Variants in PDE4D observed in about 807,000 individuals in gnomAD.
The protein encoded by PDE4D is 3',5'-cyclic-AMP phosphodiesterase 4D.
In PDE4D, 24 loss-of-function variants were observed where a neutral mutation model predicts 87.4. The ratio of observed to expected loss-of-function variants is 0.27; its 90% CI spans 0.20 to 0.39. The LOEUF (loss-of-function observed/expected upper bound fraction) is 0.39. Among genes scored for constraint, PDE4D ranks in the 10% least tolerant of loss-of-function variants. PDE4D has a pLI of 1.00. For missense variants in PDE4D, 714 were observed against 1,041.0 expected (o/e 0.69, Z 4.32); for synonymous variants, 384 against 383.2 (o/e 1.00, Z -0.02).
chr5:59,379,327 T>C (rs1224788517), intron 1 of PDE4D, among the ~76,000 whole-genome samples: 11 of 152,172 alleles, frequency 7.2e-5, no homozygotes, highest in Non-Finnish European at 1.2e-4. Flanking sequence ...AATGCAAAAA[T>C]AGTTTTCTGT....
At chr5:60,407,779 C>A (rs1168005202) in intron 1 of PDE4D, among the ~76,000 whole-genome samples, 2 of 151,952 alleles carry the variant, frequency 1.3e-5, no homozygotes, top group African/African-American at 4.8e-5. Flanking sequence ...ATGGCAAAAA[C>A]CGCAATTACT....
chr5:59,066,297 G>A lies in PDE4D; in HGVS notation c.809-27326C>T, dbSNP rs75104581. 3.4e-3 allele frequency among the ~76,000 whole-genome samples: 516 copies of A among 152,238 alleles called. 3 individuals carry two copies. The East Asian group carries it at 0.045, about 13-fold the overall frequency. ...AGAGAGAGGCACTCTTAGTCTTGGA[G>A]GGGCTTCCTACAGTGGGCAATTTTT... On this transcript the variant is annotated intron_variant, in intron 5 of 14. Transcript: ENST00000340635.
chr5:59,580,260 A>G (rs1327673301), intron 1 of PDE4D, among the ~76,000 whole-genome samples: 2 of 152,202 alleles, frequency 1.3e-5, no homozygotes, highest in African/African-American at 4.8e-5. Flanking sequence ...TCAGCAAGTT[A>G]TCTAATCTCT....
intron 1 of PDE4D, among the ~76,000 whole-genome samples, chr5:60,215,797 CAT>C (rs903793720): frequency 9.9e-5 from 15 of 152,084 alleles, no homozygotes; most frequent in African/African-American, 3.6e-4. Context: ...GATTTGTACA[CAT>C]GTTAAAGTTT....
At chr5:60,397,344 G>A (rs1762953292) in intron 1 of PDE4D, among the ~76,000 whole-genome samples, 2 of 152,180 alleles carry the variant, frequency 1.3e-5, no homozygotes, top group Non-Finnish European at 2.9e-5. Context: ...ACACTCCCAT[G>A]TTCATTGCAG....
chr5:60,409,378 C>A (rs534253626), intron 1 of PDE4D, among the ~76,000 whole-genome samples: 58 of 151,736 alleles, frequency 3.8e-4, no homozygotes, highest in East Asian at 1.7e-3. Flanking sequence ...GGGGAGGGGG[C>A]AGAGGGGGTG....
intron 5 of PDE4D, among the ~76,000 whole-genome samples, chr5:59,158,567 C>T (rs140057694): frequency 9.1e-4 from 139 of 152,310 alleles, no homozygotes; most frequent in African/African-American, 3.2e-3. Flanking sequence ...GTGGAATTCA[C>T]ACATTGCCTT....
At chr5:59,029,119 ATACT>A (rs1267207687) in intron 6 of PDE4D, among the ~76,000 whole-genome samples, 2 of 152,118 alleles carry the variant, frequency 1.3e-5, no homozygotes, top group African/African-American at 4.8e-5. Flanking sequence ...CATCAAAAAA[ATACT>A]TAGGAGCAGC....
chr5:60,494,859 T>C (rs986919316), intron 1 of PDE4D, among the ~76,000 whole-genome samples: 1 of 152,186 alleles, frequency 6.6e-6, no homozygotes, highest in African/African-American at 2.4e-5. Context: ...TTCTGGGCCC[T>C]AGGGAATCAC....
chr5:59,334,435 T>C (rs1777312515), intron 1 of PDE4D, among the ~76,000 whole-genome samples: 1 of 151,792 alleles, frequency 6.6e-6, no homozygotes, highest in Admixed American at 6.6e-5. Context: ...ATTTTTGTAT[T>C]TTTATAGAGA....
chr5:60,150,210 C>T (rs1781387046), intron 2 of PDE4D, among the ~76,000 whole-genome samples: 1 of 151,722 alleles, frequency 6.6e-6, no homozygotes, highest in African/African-American at 2.4e-5. Context: ...AACCATGAAT[C>T]TTACAGGGCT....
chr5:59,392,746 C>G (rs911235497), intron 1 of PDE4D, among the ~76,000 whole-genome samples: 1 of 152,060 alleles, frequency 6.6e-6, no homozygotes, highest in East Asian at 1.9e-4. Context: ...CCTGCCTTCT[C>G]CATTTGAATA....
intron 5 of PDE4D, among the ~76,000 whole-genome samples, chr5:59,145,188 T>C (rs1480084396): frequency 1.3e-5 from 2 of 152,220 alleles, no homozygotes; most frequent in Non-Finnish European, 2.9e-5. Context: ...TAATGATCCA[T>C]AGTGTTATCA....
At chr5:59,280,711 A>G (rs190836402) in intron 1 of PDE4D, among the ~76,000 whole-genome samples, 125 of 152,262 alleles carry the variant, frequency 8.2e-4, no homozygotes, top group Admixed American at 1.9e-3. Flanking sequence ...ATCCCAATTC[A>G]TACACAAGAA....
intron 1 of PDE4D, among the ~76,000 whole-genome samples, chr5:59,683,501 A>G (rs190669074): frequency 1.9e-3 from 296 of 152,336 alleles, no homozygotes; most frequent in Non-Finnish European, 3.5e-3. Context: ...TCCAAATATT[A>G]TAAAGCACAC....
intron 1 of PDE4D, among the ~76,000 whole-genome samples, chr5:60,380,656 T>C (rs1561188730): frequency 6.6e-6 from 1 of 152,196 alleles, no homozygotes; most frequent in East Asian, 1.9e-4. Flanking sequence ...AGATTGTTTG[T>C]TAGCGCAGCG....
intron 1 of PDE4D, among the ~76,000 whole-genome samples, chr5:59,376,716 C>T (rs1159306611): frequency 1.3e-5 from 2 of 152,000 alleles, no homozygotes; most frequent in East Asian, 1.9e-4. Context: ...AAAAAGAGCC[C>T]GAATAGCTAA....
chr5:58,993,117 T>G (rs111471386), intron 7 of PDE4D, among the ~76,000 whole-genome samples: 1 of 152,072 alleles, frequency 6.6e-6, no homozygotes, highest in East Asian at 1.9e-4. Context: ...TTTGGTACTA[T>G]GAAAAAATGG....
chr5:60,437,463 GA>G (rs1744850634), intron 1 of PDE4D, among the ~76,000 whole-genome samples: 1 of 152,120 alleles, frequency 6.6e-6, no homozygotes, highest in Non-Finnish European at 1.5e-5. Flanking sequence ...TACAGCACAA[GA>G]AAAGCTAAGT....
Sources: allele counts gnomAD v4.1 joint callset (sites outside exome capture counted in the v4.1 genomes callset), GRCh38; gene constraint gnomAD v4.1.1; transcripts MANE v1.5; gene names NCBI Gene and HGNC (gene_info 2026-07-23, HGNC 2026-07-21).